The following SPEG variants were observed in gnomAD, a reference collection of about 807,000 sequenced individuals.
The protein encoded by SPEG is striated muscle preferentially expressed protein kinase.
In SPEG, 114 loss-of-function variants were observed where a neutral mutation model predicts 300.4. The ratio of observed to expected loss-of-function variants is 0.38; its 90% CI spans 0.33 to 0.44. The LOEUF is 0.44. SPEG is among the 20% of genes least tolerant of loss of function. SPEG has a pLI of 1.00. For synonymous variants in SPEG, 1,964 were observed against 2,018.9 expected (o/e 0.97, Z 0.73); for missense variants, 4,201 against 4,586.2 (o/e 0.92, Z 2.43).
chr2:219,443,492 C>G lies in SPEG; in HGVS notation c.389-1161C>G. ...GCCAGAGGGAAACTGAGGCACAGAACCTGCTAGAATCTGGGAAAGTTGAAA... is the reference window on the plus strand; with the variant it reads ...GCCAGAGGGAAACTGAGGCACAGAAGCTGCTAGAATCTGGGAAAGTTGAAA... On this transcript the variant is annotated intron_variant, in intron 1 of 40. Coordinates refer to ENST00000312358, the MANE Select transcript of SPEG (RefSeq NM_005876.5). The surrounding 1 kb of genome is among the most constrained non-coding windows in gnomAD (Gnocchi z 4.6). The G allele has an allele frequency of 2.6e-6, 1 of 391,154 alleles. No homozygotes were observed. Among genetic ancestry groups the G allele is most frequent in the South Asian group, 3.1e-5 (1 of 32,430 alleles). 24.2% of individuals were successfully genotyped at this position (391,154 alleles called of 1,614,324 possible).
intron 11 of SPEG, 36 bp downstream of exon 11, chr2:219,468,772 C>A (rs1022919318): frequency 3.1e-6 from 5 of 1,611,404 alleles, no homozygotes; most frequent in Non-Finnish European, 4.2e-6. Context: ...GAGGGCCCCC[C>A]CAAGGGCCCA....
chr2:219,445,556 A>C lies in SPEG; in HGVS notation c.815+395A>C. The C allele has an allele frequency of 1.0e-5, 3 of 292,930 alleles. No individual in the cohort carries two copies. Among genetic ancestry groups the C allele is most frequent in the Non-Finnish European group, 1.9e-5 (3 of 154,226 alleles). 18.1% of individuals were successfully genotyped at this position (292,930 alleles called of 1,614,324 possible). The stretch of plus-strand genomic sequence containing the variant: ...CTGTCTCAGCAGCTGCTGCCTTTTC[A>C]TCTCTCTGCACATTCCTGTTCCCAT... On this transcript the variant is annotated intron_variant, in intron 3 of 40. Coordinates refer to ENST00000312358, the MANE Select transcript of SPEG (RefSeq NM_005876.5). The surrounding 1 kb of genome is among the most constrained non-coding windows in gnomAD (Gnocchi z 6.1).
In SPEG at chr2:219,459,464, A is replaced by C. The variant is rs1007332471; in HGVS notation, c.2441-2418A>C. Among the ~76,000 whole-genome samples the C allele has an allele frequency of 2.6e-5, 4 of 152,174 alleles. No homozygotes were observed. The highest frequency in any genetic ancestry group is 5.9e-5 in the Non-Finnish European group (4 of 68,008). On this transcript the variant is annotated intron_variant, in intron 6 of 40. Transcript: ENST00000312358. This position sits in a 1 kb window ranked among gnomAD's most constrained non-coding sequence, Gnocchi z 4.9. ...TTGGAGGTATGGAGGGGCAGAGGCTACTGCCTTGTCTGGAAGAGGCCTGGG... is the reference window on the plus strand; with the variant it reads ...TTGGAGGTATGGAGGGGCAGAGGCTCCTGCCTTGTCTGGAAGAGGCCTGGG...
Position 219,484,702 on chromosome 2 carries a change from G to C in SPEG, c.7239G>C (p.Leu2413=). The C allele has an allele frequency of 1.3e-6, 2 of 1,510,668 alleles. No individual in the cohort carries two copies. The highest frequency in any genetic ancestry group is 1.8e-6 in the Non-Finnish European group (2 of 1,138,822). The allele number at this position is 1,510,668 out of a possible 1,614,324, so 93.6% of individuals were successfully genotyped here. Residue 2413 remains leucine, a synonymous_variant, in exon 30 of 41, where the codon CTG becomes CTC. Transcript: ENST00000312358. ...TCGTCCGCCGCCTCTCGCTGTCACTGTCCCAGCGGCTGCGGCGGACCCCTC... is the reference window on the plus strand; with the variant it reads ...TCGTCCGCCGCCTCTCGCTGTCACTCTCCCAGCGGCTGCGGCGGACCCCTC... ...PGLVRRLSLS[L]SQRLRRTPPA...
intron 38 of SPEG, 55 bp downstream of exon 38, chr2:219,491,011 C>G: frequency 1.4e-6 from 2 of 1,418,444 alleles, no homozygotes; most frequent in Non-Finnish European, 2.0e-6. Flanking sequence ...AGAGAGGCAG[C>G]AGCCAGGGCT....
rs1694112124 is a variant in SPEG, at chr2:219,492,948, C to G, written c.*162C>G. ...CCTCATAGACCTTCAAGGACAGAGA[C>G]CCCAGGGCCTGGACCTGATGCCACC... On this transcript the variant is annotated 3_prime_UTR_variant, in exon 41 of 41. Transcript: ENST00000312358. 3.6e-6 allele frequency: 3 copies of G among 828,518 alleles called. No individual in the cohort carries two copies. The allele number at this position is 828,518 out of a possible 1,614,324, so 51.3% of individuals were successfully genotyped here.
At position 219,479,634 on chromosome 2, in the gene SPEG, G is replaced by A; in HGVS notation, c.5086-149G>A. 3 of 699,200 alleles carry A rather than the reference G, an allele frequency of 4.3e-6. No individual in the cohort carries two copies. The highest frequency in any genetic ancestry group is 7.6e-6 in the Non-Finnish European group (3 of 394,482). The allele number at this position is 699,200 out of a possible 1,614,324, so 43.3% of individuals were successfully genotyped here. ...ACCCTCCGGTGCATATGGTAGCCTT[G>A]GATCTTTGCAACCCCAAACCTGTTT... On this transcript the variant is annotated intron_variant, in intron 23 of 40. Coordinates refer to ENST00000312358, the MANE Select transcript of SPEG (RefSeq NM_005876.5). This position sits in a 1 kb window ranked among gnomAD's most constrained non-coding sequence, Gnocchi z 5.5.
At chr2:219,469,072 G>T (rs778104686) in intron 12 of SPEG, 24 bp downstream of exon 12, 3 of 1,608,950 alleles carry the variant, frequency 1.9e-6, no homozygotes, top group East Asian at 4.5e-5. Context: ...CCCAAATGAT[G>T]CTGGGGCTGC....
chr2:219,451,781 G>A lies in SPEG; in HGVS notation c.2414G>A (p.Cys805Tyr), dbSNP rs1689773700. 2 of 1,550,954 alleles carry A rather than the reference G, an allele frequency of 1.3e-6. No individual in the cohort carries two copies. Among genetic ancestry groups the A allele is most frequent in the East Asian group, 4.9e-5 (2 of 41,062 alleles). The stretch of plus-strand genomic sequence containing the variant: ...ACCAACGAGCTGGGCCAGGCCACCT[G>A]TGCCGCCTCACTGACCGTGAGACCC... Reference protein sequence around the residue: ...TATNELGQATCAASLTVRPGG... With the variant: ...TATNELGQATYAASLTVRPGG... Residue 805 changes from cysteine (C) to tyrosine (Y), a missense_variant, in exon 6 of 41, where the codon TGT (cysteine) becomes TAT (tyrosine). By Grantham distance (194) the Cys-to-Tyr change is radical. Transcript: ENST00000312358. The surrounding 1 kb of genome is among the most constrained non-coding windows in gnomAD (Gnocchi z 6.4).
intron 22 of SPEG, among the ~76,000 whole-genome samples, chr2:219,478,551 T>C (rs1692547992): frequency 6.6e-6 from 1 of 152,182 alleles, no homozygotes; most frequent in Admixed American, 6.5e-5. Context: ...TTGGCTTTAT[T>C]TAGAGGCTGT....
rs1692660679 is a variant in SPEG at position 219,479,753 on chromosome 2, C to G, written c.5086-30C>G. 2.5e-6 allele frequency: 4 copies of G among 1,610,124 alleles called. No individual in the cohort carries two copies. In the East Asian group the frequency reaches 8.9e-5, roughly 36 times the overall value. On this transcript the variant is annotated intron_variant, in intron 23 of 40. Coordinates refer to ENST00000312358, the MANE Select transcript of SPEG (RefSeq NM_005876.5). The surrounding 1 kb of genome is among the most constrained non-coding windows in gnomAD (Gnocchi z 5.5). ...TGTTCAGACATACACCACCCTTCCCCCTCAGACTCTGGGCCCACTATTTCC... is the reference window on the plus strand; with the variant it reads ...TGTTCAGACATACACCACCCTTCCCGCTCAGACTCTGGGCCCACTATTTCC...
chr2:219,466,096 C>T (rs767446090), intron 9 of SPEG: 3 of 1,594,358 alleles, frequency 1.9e-6, no homozygotes, highest in South Asian at 2.2e-5. Context: ...CCCCCCGCTA[C>T]CCTCCGAGCC....
chr2:219,472,070 C>T (rs1691925736), intron 14 of SPEG, 83 bp downstream of exon 14: 17 of 1,566,116 alleles, frequency 1.1e-5, no homozygotes, highest in South Asian at 2.3e-5. Flanking sequence ...GGGGCCTCCA[C>T]CCAGCTCCCT....
intron 6 of SPEG, among the ~76,000 whole-genome samples, chr2:219,455,461 T>A (rs115840153): frequency 0.013 from 1,994 of 152,332 alleles, 46 homozygotes; most frequent in African/African-American, 0.045. Context: ...AACTGCATTT[T>A]AAATTTAATT....
At position 219,444,895 on chromosome 2, in the gene SPEG, G is replaced by C; in HGVS notation, c.549G>C (p.Glu183Asp). ...CCTCCGTGACAGGCACCTCAGAGGA[G>C]CAAGTGAGCTGGTGGGGCAGCGGGC... ...PPTSVTGTSEEQVSWWGSGQT... is the reference protein window; with the variant it reads ...PPTSVTGTSEDQVSWWGSGQT... The change falls in exon 3 of 41, where the codon GAG (glutamate) becomes GAC (aspartate). Residue 183 changes from glutamate (E) to aspartate (D), a missense_variant. Physicochemically the swap from Glu to Asp is conservative, Grantham distance 45. This residue lies in a region of SPEG where 1,258 missense variants were observed against 1,293.9 expected (regional missense o/e 0.97). Transcript: ENST00000312358. The surrounding 1 kb of genome is among the most constrained non-coding windows in gnomAD (Gnocchi z 7.8). 1.3e-6 allele frequency: 2 copies of C among 1,573,520 alleles called. No individual in the cohort carries two copies. Among genetic ancestry groups the C allele is most frequent in the Non-Finnish European group, 1.7e-6 (2 of 1,159,880 alleles).
rs1334526187 is a variant in SPEG at position 219,448,969 on chromosome 2, TC to T, written c.1813del (p.Gln605ArgfsTer115). 6.6e-7 allele frequency: 1 copy of T among 1,510,836 alleles called. No homozygotes were observed. Among genetic ancestry groups the T allele is most frequent in the Non-Finnish European group, 8.8e-7 (1 of 1,133,054 alleles). 93.6% of individuals were successfully genotyped at this position (1,510,836 alleles called of 1,614,324 possible). A position where few individuals can be genotyped will look rare whatever the true frequency, so the allele number is the denominator to read the frequency against. On this transcript the variant is annotated frameshift_variant, in exon 4 of 41. Transcript: ENST00000312358. LOFTEE classifies it high-confidence loss of function. ...TTCCCGCTGACCCGGAGCAGAGCCA[TC>T]CAGGAGTGCAGGAGCCCTGTGCCGC... ...DQFPLTRSRA[I>X]QECRSPVPPP... is the part of the protein sequence containing the mutation.
At chr2:219,475,994 TCTC>T (rs935799569) in intron 18 of SPEG, among the ~76,000 whole-genome samples, 10 of 138,516 alleles carry the variant, frequency 7.2e-5, no homozygotes, top group Admixed American at 6.4e-4. Flanking sequence ...TCATCCTACT[TCTC>T]CTCAGTCTGA....
At chr2:219,446,139 C>A (rs573171718) in intron 3 of SPEG, among the ~76,000 whole-genome samples, 1 of 150,442 alleles carries the variant, frequency 6.6e-6, no homozygotes, top group Non-Finnish European at 1.5e-5. Flanking sequence ...GCAGGGCTAG[C>A]GGTGGGCAGG....
chr2:219,447,038 C>G (rs892936055), intron 3 of SPEG, among the ~76,000 whole-genome samples: 1 of 151,420 alleles, frequency 6.6e-6, no homozygotes, highest in Non-Finnish European at 1.5e-5. Flanking sequence ...CCCTCCTCCC[C>G]GCAAGGGTCC....
Sources: gnomAD v4.1 joint callset for allele counts (sites outside exome capture counted in the v4.1 genomes callset) on GRCh38, gnomAD v4.1.1 for gene constraint, gnomAD v4.1.1 regional missense constraint, Gnocchi (gnomAD v3.1) non-coding constraint, MANE v1.5 for transcripts, NCBI Gene and HGNC (gene_info 2026-07-23, HGNC 2026-07-21) for gene names.